KIAA1217: variants seen among roughly 807,000 people sequenced by gnomAD.
The protein encoded by KIAA1217 is sickle tail protein homolog.
A neutral mutation model predicts 163.9 loss-of-function variants in KIAA1217; 88 were observed. That is an observed-to-expected ratio of 0.54 (90% confidence interval 0.45 to 0.64). KIAA1217 has a LOEUF of 0.64. Among genes scored for constraint, KIAA1217 ranks in the 30% least tolerant of loss-of-function variants. KIAA1217 has a pLI of 0.00. For missense variants in KIAA1217, 2,372 were observed against 2,475.0 expected (o/e 0.96, Z 0.88); for synonymous variants, 903 against 923.1 (o/e 0.98, Z 0.39).
chr10:24,082,991 G>T (rs1459990614), intron 2 of KIAA1217, among the ~76,000 whole-genome samples: 1 of 152,168 alleles, frequency 6.6e-6, no homozygotes, highest in South Asian at 2.1e-4. Context: ...TTTCTCTGAT[G>T]ATCAGTGATG....
At chr10:24,051,593 T>G (rs1033394891) in intron 2 of KIAA1217, among the ~76,000 whole-genome samples, 1 of 152,160 alleles carries the variant, frequency 6.6e-6, no homozygotes, top group Non-Finnish European at 1.5e-5. Flanking sequence ...AAGTTTTCCC[T>G]TTTAACCCCA....
chr10:24,388,672 C>T (rs1328477344), intron 3 of KIAA1217, among the ~76,000 whole-genome samples: 1 of 151,966 alleles, frequency 6.6e-6, no homozygotes, highest in African/African-American at 2.4e-5. Flanking sequence ...TGACAAAGGG[C>T]TAATATCCAG....
chr10:24,135,568 A>G (rs2063802143), intron 2 of KIAA1217, among the ~76,000 whole-genome samples: 1 of 152,094 alleles, frequency 6.6e-6, no homozygotes, highest in African/African-American at 2.4e-5. Flanking sequence ...CGGTGTGATC[A>G]CAGGTTTTTA....
chr10:23,931,468 C>CA (rs1367070115), intron 1 of KIAA1217, among the ~76,000 whole-genome samples: 1 of 152,172 alleles, frequency 6.6e-6, no homozygotes, highest in Non-Finnish European at 1.5e-5. Context: ...CATTTACCTA[C>CA]ACCCTGTCTT....
chr10:24,153,435 G>A (rs1167818516), intron 2 of KIAA1217, among the ~76,000 whole-genome samples: 2 of 152,166 alleles, frequency 1.3e-5, no homozygotes, highest in African/African-American at 2.4e-5. Context: ...AAGGCACTTG[G>A]AGCTTTACAC....
At chr10:24,023,283 G>A (rs981646807) in intron 2 of KIAA1217, among the ~76,000 whole-genome samples, 7 of 151,666 alleles carry the variant, frequency 4.6e-5, no homozygotes, top group Non-Finnish European at 8.9e-5. Flanking sequence ...ACACTTTGAC[G>A]AGGGAAGAGT....
rs1365468784 is a variant in KIAA1217, at chr10:23,789,959, A to G, written c.-321+94725A>G. Among the ~76,000 whole-genome samples the G allele has an allele frequency of 3.7e-5, 5 of 134,182 alleles. 1 individual carries two copies. Among genetic ancestry groups the G allele is most frequent in the Non-Finnish European group, 7.8e-5 (5 of 63,800 alleles). The allele number at this position is 134,182 out of a possible 152,430, so 88.0% of individuals were successfully genotyped here. The stretch of plus-strand genomic sequence containing the variant: ...CACATATACATATACATGTATATAT[A>G]CACATATACATATACATATATACAC... On this transcript the variant is annotated intron_variant, in intron 1 of 18. Coordinates refer to the KIAA1217 transcript ENST00000376462.
At chr10:24,431,325 C>G (rs2059588910) in intron 3 of KIAA1217, among the ~76,000 whole-genome samples, 1 of 152,218 alleles carries the variant, frequency 6.6e-6, no homozygotes, top group African/African-American at 2.4e-5. Flanking sequence ...AATTCAGTGT[C>G]AGGATTGTGG....
At chr10:23,743,758 A>G (rs1839249886) in intron 1 of KIAA1217, among the ~76,000 whole-genome samples, 1 of 152,206 alleles carries the variant, frequency 6.6e-6, no homozygotes, top group Non-Finnish European at 1.5e-5. Context: ...AAGAGTGGCT[A>G]TAGAAGGCAG....
chr10:23,896,744 G>T (rs905513548), intron 1 of KIAA1217, among the ~76,000 whole-genome samples: 1 of 151,982 alleles, frequency 6.6e-6, no homozygotes, highest in South Asian at 2.1e-4. Flanking sequence ...TTGCAAAAAC[G>T]TCTTTAAACT....
chr10:24,199,497 G>A (rs924456965), intron 2 of KIAA1217, among the ~76,000 whole-genome samples: 3 of 152,154 alleles, frequency 2.0e-5, no homozygotes, highest in African/African-American at 4.8e-5. Flanking sequence ...GAGCTGTGGC[G>A]GGGACAGACA....
intron 2 of KIAA1217, among the ~76,000 whole-genome samples, chr10:24,360,139 C>T (rs998643134): frequency 3.3e-5 from 5 of 150,284 alleles, no homozygotes; most frequent in African/African-American, 1.2e-4. Flanking sequence ...CTCTACCTCC[C>T]GGGTTCAAGC....
At chr10:23,801,049 A>C (rs1836443882) in intron 1 of KIAA1217, among the ~76,000 whole-genome samples, 1 of 152,224 alleles carries the variant, frequency 6.6e-6, no homozygotes, top group African/African-American at 2.4e-5. Flanking sequence ...AGCACTGTTC[A>C]CAATAGCAGA....
rs112544720 is a variant in KIAA1217, at chr10:23,839,644, G to A, written c.-321+144410G>A. ...TGCCTCTCCTGTCATCTCTCTGTGTGAAGAGGAATTTATTTTAGATTCTCT... is the reference window on the plus strand; with the variant it reads ...TGCCTCTCCTGTCATCTCTCTGTGTAAAGAGGAATTTATTTTAGATTCTCT... On this transcript the variant is annotated intron_variant, in intron 1 of 18. Transcript: ENST00000376462. 4.8e-3 allele frequency among the ~76,000 whole-genome samples: 730 copies of A among 152,206 alleles called. 10 individuals are homozygous for A. The highest frequency in any genetic ancestry group is 0.016 in the African/African-American group (660 of 41,528).
At chr10:23,760,054 G>C (rs559190590) in intron 1 of KIAA1217, among the ~76,000 whole-genome samples, 2 of 152,134 alleles carry the variant, frequency 1.3e-5, no homozygotes, top group Middle Eastern at 3.4e-3. Flanking sequence ...TTTATTTTTG[G>C]ATTTTCCTCC....
chr10:24,110,600 T>TA (rs11452842), intron 2 of KIAA1217, among the ~76,000 whole-genome samples: 11,951 of 140,270 alleles, frequency 0.085, 528 homozygotes, highest in African/African-American at 0.13. Context: ...CTGTGGGCCT[T>TA]AAAAAAAAAA....
At chr10:24,095,523 T>C (rs2062122307) in intron 2 of KIAA1217, among the ~76,000 whole-genome samples, 2 of 152,204 alleles carry the variant, frequency 1.3e-5, no homozygotes, top group African/African-American at 4.8e-5. Context: ...TCTCCAGCCT[T>C]CCTCCCACTG....
chr10:23,890,371 T>C (rs1415561085), intron 1 of KIAA1217, among the ~76,000 whole-genome samples: 2 of 151,834 alleles, frequency 1.3e-5, no homozygotes, highest in African/African-American at 4.8e-5. Context: ...AGTTATAAAT[T>C]TTCTTCTGAG....
At chr10:24,477,075 G>A (rs2064130172) in intron 6 of KIAA1217, among the ~76,000 whole-genome samples, 1 of 152,168 alleles carries the variant, frequency 6.6e-6, no homozygotes, top group African/African-American at 2.4e-5. Flanking sequence ...TTTCTTACAT[G>A]GGACAAAGTG....
Sources: allele counts gnomAD v4.1 joint callset (sites outside exome capture counted in the v4.1 genomes callset), GRCh38; gene constraint gnomAD v4.1.1; transcripts MANE v1.5; gene names NCBI Gene and HGNC (gene_info 2026-07-23, HGNC 2026-07-21).